The following PTPRD variants were observed in gnomAD, a reference collection of about 807,000 sequenced individuals.
The protein encoded by PTPRD is protein tyrosine phosphatase receptor type D.
PTPRD carries 34 observed loss-of-function variants against 214.5 expected under a neutral mutation model. The observed-to-expected ratio is 0.16, with a 90% CI of 0.12 to 0.21. The LOEUF (loss-of-function observed/expected upper bound fraction) is 0.21, where lower values mean the gene tolerates loss of function less well. Ranked by LOEUF, PTPRD falls within the 10% of genes least tolerant of loss-of-function variation. The pLI is 1.00. For missense variants in PTPRD, 2,545 were observed against 2,398.7 expected (o/e 1.06, Z -1.27); for synonymous variants, 1,128 against 845.7 (o/e 1.33, Z -5.79).
intron 9 of PTPRD, among the ~76,000 whole-genome samples, chr9:9,210,683 C>T (rs1421679146): frequency 1.3e-5 from 2 of 151,998 alleles, no homozygotes; most frequent in African/African-American, 4.8e-5. Flanking sequence ...TGCCACATGC[C>T]ACATACATGT....
At chr9:8,856,453 G>C (rs908874946) in intron 11 of PTPRD, among the ~76,000 whole-genome samples, 4 of 152,310 alleles carry the variant, frequency 2.6e-5, no homozygotes, top group African/African-American at 9.6e-5. Flanking sequence ...CCTATTTCAA[G>C]TCATAAGCAG....
chr9:9,807,279 G>T (rs1349783322), intron 5 of PTPRD, among the ~76,000 whole-genome samples: 1 of 152,086 alleles, frequency 6.6e-6, no homozygotes, highest in African/African-American at 2.4e-5. Context: ...CTACAAATGT[G>T]CTTAATTACC....
chr9:9,095,660 T>G (rs1443051080), intron 10 of PTPRD, among the ~76,000 whole-genome samples: 6 of 152,152 alleles, frequency 3.9e-5, no homozygotes, highest in Non-Finnish European at 5.9e-5. Flanking sequence ...TGTAGGAATG[T>G]AGATTGGGAG....
At chr9:9,302,438 T>A (rs1955667338) in intron 9 of PTPRD, among the ~76,000 whole-genome samples, 1 of 151,786 alleles carries the variant, frequency 6.6e-6, no homozygotes, top group African/African-American at 2.4e-5. Flanking sequence ...CGTGTGAAAG[T>A]GGATGAGATG....
intron 3 of PTPRD, among the ~76,000 whole-genome samples, chr9:10,197,124 C>T (rs1047198736): frequency 6.6e-6 from 1 of 152,052 alleles, no homozygotes; most frequent in Non-Finnish European, 1.5e-5. Context: ...AAAACTGTGT[C>T]GTGTTGCCAA....
At chr9:10,194,852 C>T (rs1254828468) in intron 3 of PTPRD, among the ~76,000 whole-genome samples, 2 of 152,000 alleles carry the variant, frequency 1.3e-5, no homozygotes, top group Non-Finnish European at 2.9e-5. Flanking sequence ...TTTCCTTTCA[C>T]AGCCACAACT....
intron 8 of PTPRD, among the ~76,000 whole-genome samples, chr9:9,565,454 A>C (rs767203869): frequency 9.2e-5 from 14 of 151,952 alleles, no homozygotes; most frequent in Non-Finnish European, 1.9e-4. Context: ...GGAAGGTATA[A>C]AAATCCTTTT....
intron 5 of PTPRD, among the ~76,000 whole-genome samples, chr9:9,889,377 A>G (rs1190167574): frequency 6.6e-6 from 1 of 151,094 alleles, no homozygotes; most frequent in Non-Finnish European, 1.5e-5. Context: ...TACATAATAT[A>G]TACAATTTTA....
chr9:8,365,179 G>C (rs2079514304), intron 39 of PTPRD, among the ~76,000 whole-genome samples: 1 of 152,078 alleles, frequency 6.6e-6, no homozygotes, highest in Admixed American at 6.6e-5. Context: ...AGGAGGGGAA[G>C]TGGTCTGAGA....
At chr9:8,763,471 CCACTG>C (rs1421639165) in intron 11 of PTPRD, among the ~76,000 whole-genome samples, 2 of 151,948 alleles carry the variant, frequency 1.3e-5, no homozygotes, top group East Asian at 3.9e-4. Context: ...CAAGATCACG[CCACTG>C]CACTCCAGCC....
At chr9:8,425,994 T>C (rs2094640223) in intron 35 of PTPRD, among the ~76,000 whole-genome samples, 2 of 152,306 alleles carry the variant, frequency 1.3e-5, no homozygotes, top group African/African-American at 4.8e-5. Flanking sequence ...TTGTCACCCT[T>C]TACCTTCCCC....
At chr9:8,593,184 C>T (rs1412272942) in intron 14 of PTPRD, among the ~76,000 whole-genome samples, 1 of 152,112 alleles carries the variant, frequency 6.6e-6, no homozygotes, top group East Asian at 1.9e-4. Context: ...CAACTGAAAG[C>T]ATTTGATTGA....
intron 5 of PTPRD, among the ~76,000 whole-genome samples, chr9:9,784,952 G>A (rs997243152): frequency 6.6e-6 from 1 of 150,904 alleles, no homozygotes; most frequent in African/African-American, 2.4e-5. Flanking sequence ...AGCAGGGTTT[G>A]CTATGTACAG....
Position 8,578,919 on chromosome 9 carries a change from T to A in PTPRD, c.353-50140A>T, listed in dbSNP as rs539396844. On this transcript the variant is annotated intron_variant, in intron 14 of 45. Coordinates refer to ENST00000381196, the MANE Select transcript of PTPRD (RefSeq NM_002839.4). The stretch of plus-strand genomic sequence containing the variant: ...CATCTCAGGCATTGTATTCTGTTCC[T>A]ACTATTGTGTACTACTTCTGTCACT... Among the ~76,000 whole-genome samples, 11 of 152,360 alleles carry A rather than the reference T, an allele frequency of 7.2e-5. No homozygotes were observed. In the East Asian group the frequency reaches 2.1e-3, roughly 29 times the overall value.
intron 39 of PTPRD, among the ~76,000 whole-genome samples, chr9:8,345,153 C>T (rs541717581): frequency 6.6e-6 from 1 of 152,138 alleles, no homozygotes; most frequent in African/African-American, 2.4e-5. Context: ...TTTCTGCGTT[C>T]ACATTTATCA....
At chr9:8,726,909 T>G (rs1347744183) in intron 12 of PTPRD, among the ~76,000 whole-genome samples, 4 of 151,318 alleles carry the variant, frequency 2.6e-5, no homozygotes, top group Admixed American at 2.6e-4. Flanking sequence ...AAGTGGAGGT[T>G]GCAGTGAGCG....
intron 43 of PTPRD, among the ~76,000 whole-genome samples, chr9:8,337,871 C>CTAT (rs35047476): frequency 0.13 from 19,988 of 151,230 alleles, 1,741 homozygotes; most frequent in East Asian, 0.34. Flanking sequence ...TGAAAGAGCA[C>CTAT]TATTTTTTTT....
intron 3 of PTPRD, among the ~76,000 whole-genome samples, chr9:10,265,075 C>G (rs2093964352): frequency 6.6e-6 from 1 of 152,104 alleles, no homozygotes; most frequent in Non-Finnish European, 1.5e-5. Flanking sequence ...GCCTATTTTT[C>G]TTTATAAATT....
intron 14 of PTPRD, among the ~76,000 whole-genome samples, chr9:8,566,163 C>T (rs1054059233): frequency 4.4e-5 from 6 of 136,286 alleles, no homozygotes; most frequent in Admixed American, 2.3e-4. Flanking sequence ...CATTTATAGA[C>T]CAATGCATTC....
Sources: gnomAD v4.1 joint callset for allele counts (sites outside exome capture counted in the v4.1 genomes callset) on GRCh38, gnomAD v4.1.1 for gene constraint, MANE v1.5 for transcripts, NCBI Gene and HGNC (gene_info 2026-07-23, HGNC 2026-07-21) for gene names.